Variants in NIBAN1 observed in about 807,000 individuals in gnomAD.
The protein encoded by NIBAN1 is niban apoptosis regulator 1, also known as protein Niban 1.
In NIBAN1, 81 loss-of-function variants were observed where a neutral mutation model predicts 75.1. The observed-to-expected ratio is 1.08, with a 90% CI of 0.90 to 1.30. The LOEUF is 1.30. Among genes scored for constraint, NIBAN1 ranks in the 50% most tolerant of loss-of-function variants. The probability of loss-of-function intolerance (pLI) is 0.00; values close to 1 mark genes in which losing one functional copy is unlikely to be tolerated. For missense variants in NIBAN1, 1,133 were observed against 1,128.1 expected (o/e 1.00, Z -0.06); for synonymous variants, 436 against 424.8 (o/e 1.03, Z -0.32).
At chr1:184,807,606 A>G (rs924489641) in intron 10 of NIBAN1, among the ~76,000 whole-genome samples, 2 of 152,106 alleles carry the variant, frequency 1.3e-5, no homozygotes, top group South Asian at 4.2e-4. Flanking sequence ...TGGCCAACAC[A>G]GTAAAAACCC....
At chr1:184,934,742 C>G (rs1384049357) in intron 1 of NIBAN1, among the ~76,000 whole-genome samples, 1 of 151,986 alleles carries the variant, frequency 6.6e-6, no homozygotes, top group East Asian at 1.9e-4. Context: ...TAAAAATACA[C>G]AAGTTAGCCG....
chr1:184,867,862 A>C, intron 5 of NIBAN1: 1 of 985,370 alleles, frequency 1.0e-6, no homozygotes. Flanking sequence ...GTAGACCCTT[A>C]CCTTAATAGA....
At chr1:184,867,150 G>A (rs1026321896) in intron 5 of NIBAN1, among the ~76,000 whole-genome samples, 19 of 149,388 alleles carry the variant, frequency 1.3e-4, no homozygotes, top group Non-Finnish European at 2.5e-4. Flanking sequence ...ACTCTCTCTC[G>A]GTCTCTCTCT....
chr1:184,845,024 C>T (rs1018823711), intron 5 of NIBAN1, among the ~76,000 whole-genome samples: 1 of 152,232 alleles, frequency 6.6e-6, no homozygotes, highest in African/African-American at 2.4e-5. Flanking sequence ...TGACCTATTA[C>T]AAGAAGAACC....
At chr1:184,901,328 C>T (rs1204509609) in intron 1 of NIBAN1, among the ~76,000 whole-genome samples, 2 of 152,156 alleles carry the variant, frequency 1.3e-5, no homozygotes, top group Non-Finnish European at 2.9e-5. Flanking sequence ...TTGAATCAGG[C>T]ATGCTTTTGC....
intron 5 of NIBAN1, among the ~76,000 whole-genome samples, chr1:184,883,024 T>C (rs1202515415): frequency 6.6e-6 from 1 of 152,174 alleles, no homozygotes; most frequent in African/African-American, 2.4e-5. Flanking sequence ...CCTTATCTTT[T>C]TCCGTGAGTC....
Position 184,796,209 on chromosome 1 carries a change from T to A in NIBAN1, c.1667-112A>T, listed in dbSNP as rs139200208. On this transcript the variant is annotated intron_variant, in intron 13 of 13. Coordinates refer to ENST00000367511, the MANE Select transcript of NIBAN1 (RefSeq NM_052966.4). ...TCTCCATTTCAAGACCCAGCTTACA[T>A]CCAGGGAGCCTTCCCTGATGACCAA... 7.5e-3 allele frequency: 8,782 copies of A among 1,167,894 alleles called. 51 individuals are homozygous for A. Among genetic ancestry groups the A allele is most frequent in the Middle Eastern group, 0.019 (66 of 3,552 alleles). The allele number at this position is 1,167,894 out of a possible 1,614,324, so 72.3% of individuals were successfully genotyped here. A position where few individuals can be genotyped will look rare whatever the true frequency, so the allele number is the denominator to read the frequency against.
Position 184,932,594 on chromosome 1 carries a change from T to C in NIBAN1, c.56-33285A>G, listed in dbSNP as rs540827856. On this transcript the variant is annotated intron_variant, in intron 1 of 13. Transcript: ENST00000367511. ...GCTCACCTCCTGCTATGAGGCCTGG[T>C]TCCTAACTGGCCACAGACGGTACTG... Among the ~76,000 whole-genome samples, 1,177 of 152,268 alleles carry C rather than the reference T, an allele frequency of 7.7e-3. 7 individuals are homozygous for C. The highest frequency in any genetic ancestry group is 0.013 in the Non-Finnish European group (855 of 68,002).
chr1:184,903,442 T>C (rs889358923), intron 1 of NIBAN1, among the ~76,000 whole-genome samples: 1 of 152,196 alleles, frequency 6.6e-6, no homozygotes, highest in African/African-American at 2.4e-5. Flanking sequence ...GTTGGAGGTG[T>C]GGCCTGGTGG....
At chr1:184,884,552 G>A (rs1031828967) in intron 5 of NIBAN1, 81 bp downstream of exon 5, 1 of 1,553,496 alleles carries the variant, frequency 6.4e-7, no homozygotes, top group African/African-American at 1.4e-5. Flanking sequence ...AAGAATCACT[G>A]CAATAGATGA....
chr1:184,814,314 C>T (rs1382138406), intron 9 of NIBAN1, among the ~76,000 whole-genome samples: 1 of 152,070 alleles, frequency 6.6e-6, no homozygotes, highest in Non-Finnish European at 1.5e-5. Context: ...TTATAAAAAT[C>T]TTACCTTATG....
intron 5 of NIBAN1, among the ~76,000 whole-genome samples, chr1:184,855,808 A>G (rs918312015): frequency 6.6e-6 from 1 of 152,212 alleles, no homozygotes; most frequent in African/African-American, 2.4e-5. Flanking sequence ...CACACACTAT[A>G]TACTCAATAA....
chr1:184,900,801 C>T (rs193180405), intron 1 of NIBAN1, among the ~76,000 whole-genome samples: 1 of 152,222 alleles, frequency 6.6e-6, no homozygotes, highest in Admixed American at 6.5e-5. Context: ...TGATTGTGCT[C>T]GTAAGCGATG....
Position 184,795,717 on chromosome 1 carries a change from C to G in NIBAN1, c.2047G>C (p.Glu683Gln), listed in dbSNP as rs1191580351. Residue 683 changes from glutamate to glutamine, a missense_variant, in exon 14 of 14, where the codon GAG becomes CAG. Glu to Gln is a conservative substitution (Grantham distance 29). Coordinates refer to ENST00000367511, the MANE Select transcript of NIBAN1 (RefSeq NM_052966.4). ...TAGLPGTCSS[E>Q]LEFGGTLEDE... ...TCAAGGGTCCCTCCAAACTCCAGCTCTGATGAGCATGTGCCCGGGAGTCCT... is the reference window on the plus strand; with the variant it reads ...TCAAGGGTCCCTCCAAACTCCAGCTGTGATGAGCATGTGCCCGGGAGTCCT... 6.2e-7 allele frequency: 1 copy of G among 1,613,708 alleles called. No homozygotes were observed. The highest frequency in any genetic ancestry group is 8.5e-7 in the Non-Finnish European group (1 of 1,179,732).
chr1:184,971,688 AG>A (rs1185814117), intron 1 of NIBAN1, among the ~76,000 whole-genome samples: 1 of 152,154 alleles, frequency 6.6e-6, no homozygotes, highest in Non-Finnish European at 1.5e-5. Flanking sequence ...GGATCATTTT[AG>A]GTCAGTGCTA....
intron 1 of NIBAN1, among the ~76,000 whole-genome samples, chr1:184,922,530 T>A (rs1657585050): frequency 6.6e-6 from 1 of 152,194 alleles, no homozygotes; most frequent in Admixed American, 6.5e-5. Context: ...TGTACCTGTC[T>A]GCTATTTGGT....
rs182146654 is a variant in NIBAN1 at position 184,797,544 on chromosome 1, G to A, written c.1666+535C>T. ...ATGCCGGAGTCCCACCGAGACTTGC[G>A]TGGCACTGCATCATCACCCTGCACC... On this transcript the variant is annotated intron_variant, in intron 13 of 13. Coordinates refer to ENST00000367511, the MANE Select transcript of NIBAN1 (RefSeq NM_052966.4). 9.6e-3 allele frequency among the ~76,000 whole-genome samples: 1,464 copies of A among 151,734 alleles called. 10 individuals are homozygous for A. The highest frequency in any genetic ancestry group is 0.014 in the Non-Finnish European group (933 of 67,928).
At chr1:184,925,953 C>G (rs1257315775) in intron 1 of NIBAN1, among the ~76,000 whole-genome samples, 10 of 152,134 alleles carry the variant, frequency 6.6e-5, no homozygotes, top group African/African-American at 2.4e-4. Context: ...ATGCTTTATT[C>G]TTGCTCATTA....
At chr1:184,951,716 T>G (rs1305542536) in intron 1 of NIBAN1, among the ~76,000 whole-genome samples, 1 of 152,126 alleles carries the variant, frequency 6.6e-6, no homozygotes, top group Non-Finnish European at 1.5e-5. Flanking sequence ...CAGTCTATTC[T>G]CTACACAACA....
Sources: allele counts gnomAD v4.1 joint callset (sites outside exome capture counted in the v4.1 genomes callset), GRCh38; gene constraint gnomAD v4.1.1; transcripts MANE v1.5; gene names NCBI Gene and HGNC (gene_info 2026-07-23, HGNC 2026-07-21).